Variants in EPN2 observed in about 807,000 individuals in gnomAD.
EPN2 encodes the protein epsin-2.
Under a neutral mutation model 61.7 loss-of-function variants are expected in EPN2, and 34 were observed. The observed-to-expected ratio is 0.55, with a 90% CI of 0.42 to 0.73. The LOEUF is 0.73. Ranked by LOEUF, EPN2 falls within the 30% of genes least tolerant of loss-of-function variation. The probability of loss-of-function intolerance (pLI) is 0.00; values close to 1 mark genes in which losing one functional copy is unlikely to be tolerated. For synonymous variants in EPN2, 349 were observed against 353.6 expected (o/e 0.99, Z 0.15); for missense variants, 714 against 839.2 (o/e 0.85, Z 1.84).
At chr17:19,262,526 A>G (rs2045153192) in intron 1 of EPN2, among the ~76,000 whole-genome samples, 1 of 152,222 alleles carries the variant, frequency 6.6e-6, no homozygotes, top group East Asian at 1.9e-4. Context: ...TTGATGCATA[A>G]TTTATTTGCC....
chr17:19,329,109 A>G, intron 8 of EPN2: 1 of 501,472 alleles, frequency 2.0e-6, no homozygotes, highest in Admixed American at 3.7e-5. Context: ...CTCCAAATTG[A>G]GGGGGCTTCC....
In EPN2 at chr17:19,283,229, G is replaced by C; in HGVS notation, c.110G>C (p.Ser37Thr). 6.2e-7 allele frequency: 1 copy of C among 1,614,156 alleles called. No individual in the cohort carries two copies. The highest frequency in any genetic ancestry group is 1.6e-4 in the Middle Eastern group (1 of 6,062). ...TCCAATGACCCGTGGGGCCCGTCCAGTTCTCTGATGACCGAGATTGCCGAC... is the reference window on the plus strand; with the variant it reads ...TCCAATGACCCGTGGGGCCCGTCCACTTCTCTGATGACCGAGATTGCCGAC... The part of the protein sequence containing the change: ...ATSNDPWGPS[S>T]SLMTEIADLT... The change falls in exon 3 of 11, where the codon AGT becomes ACT. Residue 37 changes from serine to threonine, a missense_variant. Ser to Thr is a moderately conservative substitution (Grantham distance 58, BLOSUM62 1). Around this residue, in one of 2 missense-constraint regions of EPN2, gnomAD observed 304 missense variants for 417.4 expected, o/e 0.73. Transcript: ENST00000314728. This position sits in a 1 kb window ranked among gnomAD's most constrained non-coding sequence, Gnocchi z 7.0.
chr17:19,251,290 C>A (rs777701265), intron 1 of EPN2, among the ~76,000 whole-genome samples: 29 of 152,282 alleles, frequency 1.9e-4, no homozygotes, highest in Admixed American at 3.3e-4. Context: ...ATCACAGTGT[C>A]AGCTTCTTAC....
Position 19,334,109 on chromosome 17 carries a change from C to T in EPN2, c.1781C>T (p.Thr594Ile), listed in dbSNP as rs764835903. Residue 594 changes from threonine to isoleucine, a missense_variant, in exon 11 of 11, where the codon ACC becomes ATC. By Grantham distance (89) the Thr-to-Ile change is moderately conservative (BLOSUM62 -1). This residue lies in a region of EPN2 where 410 missense variants were observed against 421.8 expected (regional missense o/e 0.97). Transcript: ENST00000314728. The surrounding 1 kb of genome is among the most constrained non-coding windows in gnomAD (Gnocchi z 4.9). ...GAGTCCATGGCTGTGGCCTCGATGA[C>T]CTCCGCGGCCCCACAGCCAGCTCTG... ...GVESMAVASM[T>I]SAAPQPALGA... The T allele has an allele frequency of 6.2e-7, 1 of 1,608,396 alleles. No individual in the cohort carries two copies. The highest frequency in any genetic ancestry group is 1.7e-5 in the Admixed American group (1 of 59,462).
intron 7 of EPN2, among the ~76,000 whole-genome samples, chr17:19,327,218 G>A (rs780140165): frequency 1.1e-4 from 16 of 152,206 alleles, no homozygotes; most frequent in Non-Finnish European, 2.1e-4. Flanking sequence ...AAAACCAAAC[G>A]AGTATCCTTC....
chr17:19,258,682 T>C (rs1342271755), intron 1 of EPN2, among the ~76,000 whole-genome samples: 1 of 152,176 alleles, frequency 6.6e-6, no homozygotes, highest in Non-Finnish European at 1.5e-5. Context: ...GTCTAGCCAG[T>C]GTCTAGTAAT....
Position 19,285,787 on chromosome 17 carries a change from C to A in EPN2, c.763C>A (p.Arg255=). 1 of 1,585,896 alleles carries A rather than the reference C, an allele frequency of 6.3e-7. No homozygotes were observed. The highest frequency in any genetic ancestry group is 8.6e-7 in the Non-Finnish European group (1 of 1,164,632). ...CTGCCTCACTTGTGACCGCGCAGCC[C>A]GAGGTGGGACGGCGGTTTGCTTTTT... ...QPCLTCDRAA[R]ATSPRVSSEL... is the part of the protein sequence containing the mutation. Residue 255 remains arginine, a synonymous_variant, in exon 4 of 11, where the codon CGA becomes AGA. Coordinates refer to ENST00000314728, the MANE Select transcript of EPN2 (RefSeq NM_014964.5). The surrounding 1 kb of genome is among the most constrained non-coding windows in gnomAD (Gnocchi z 4.5).
chr17:19,272,085 C>T (rs780321342), intron 1 of EPN2, among the ~76,000 whole-genome samples: 3 of 152,222 alleles, frequency 2.0e-5, no homozygotes, highest in Non-Finnish European at 4.4e-5. Context: ...TTATGCTGAT[C>T]AAATGGTAGT....
chr17:19,237,432 C>G lies in EPN2; in HGVS notation c.-393C>G, dbSNP rs1311731664. 1.3e-5 allele frequency: 2 copies of G among 152,044 alleles called. No individual in the cohort carries two copies. The highest frequency in any genetic ancestry group is 2.4e-5 in the African/African-American group (1 of 41,416). The allele number at this position is 152,044 out of a possible 1,614,324, so 9.4% of individuals were successfully genotyped here. A position where few individuals can be genotyped will look rare whatever the true frequency, so the allele number is the denominator to read the frequency against. On this transcript the variant is annotated 5_prime_UTR_variant, in exon 1 of 11. Transcript: ENST00000314728. ...TGTGTGGGTGTCAAACTGAGCCAGACGCGGCGGTGGCGGCGGCTCCGCGGG... is the reference window on the plus strand; with the variant it reads ...TGTGTGGGTGTCAAACTGAGCCAGAGGCGGCGGTGGCGGCGGCTCCGCGGG...
intron 1 of EPN2, among the ~76,000 whole-genome samples, chr17:19,270,612 A>C (rs1388597530): frequency 2.0e-5 from 3 of 152,216 alleles, no homozygotes; most frequent in African/African-American, 7.2e-5. Context: ...CAACCCTCAC[A>C]GCCATGCTGA....
At chr17:19,261,866 T>G (rs28582509) in intron 1 of EPN2, among the ~76,000 whole-genome samples, 1 of 152,062 alleles carries the variant, frequency 6.6e-6, no homozygotes, top group African/African-American at 2.4e-5. Context: ...TGGCACAAGC[T>G]TTTTGTTTTG....
At chr17:19,274,605 A>G (rs73982651) in intron 1 of EPN2, among the ~76,000 whole-genome samples, 1,565 of 152,238 alleles carry the variant, frequency 0.01, 28 homozygotes, top group African/African-American at 0.036. Context: ...TAGGGACTTG[A>G]TGTAGACCCC....
intron 7 of EPN2, among the ~76,000 whole-genome samples, chr17:19,316,783 A>G (rs1598018415): frequency 6.6e-6 from 1 of 152,366 alleles, no homozygotes; most frequent in Non-Finnish European, 1.5e-5. Flanking sequence ...TGATGTTCAT[A>G]GGGGTGTTTT....
At chr17:19,264,195 T>C (rs1445843030) in intron 1 of EPN2, among the ~76,000 whole-genome samples, 1 of 152,252 alleles carries the variant, frequency 6.6e-6, no homozygotes, top group Non-Finnish European at 1.5e-5. Flanking sequence ...TTTGATTTCC[T>C]TTTGGTTTTG....
chr17:19,298,195 A>T (rs1204256424), intron 4 of EPN2, among the ~76,000 whole-genome samples: 1 of 151,600 alleles, frequency 6.6e-6, no homozygotes, highest in Non-Finnish European at 1.5e-5. Flanking sequence ...TTTTTAATTT[A>T]TTTTTATTTA....
intron 10 of EPN2, among the ~76,000 whole-genome samples, chr17:19,333,202 C>T (rs1188381753): frequency 1.3e-5 from 2 of 152,086 alleles, no homozygotes; most frequent in East Asian, 1.9e-4. Flanking sequence ...CTTGAAGGCC[C>T]TGCAGGAGCT....
At chr17:19,274,261 C>T (rs550917380) in intron 1 of EPN2, 1 of 152,444 alleles carries the variant, frequency 6.6e-6, no homozygotes, top group Non-Finnish European at 1.5e-5. Context: ...GAACAGACTC[C>T]CAGGAAGTTC....
intron 1 of EPN2, among the ~76,000 whole-genome samples, chr17:19,244,100 T>G (rs1040517347): frequency 6.6e-6 from 1 of 152,180 alleles, no homozygotes; most frequent in Admixed American, 6.5e-5. Flanking sequence ...TCTTGGATGC[T>G]GTTGAAAAAG....
chr17:19,323,739 G>T (rs1467730730), intron 7 of EPN2, among the ~76,000 whole-genome samples: 1 of 152,150 alleles, frequency 6.6e-6, no homozygotes, highest in Non-Finnish European at 1.5e-5. Context: ...TTTTAAAAAA[G>T]ATATTTTAAA....
Sources: gnomAD v4.1 joint callset for allele counts (sites outside exome capture counted in the v4.1 genomes callset) on GRCh38, gnomAD v4.1.1 for gene constraint, gnomAD v4.1.1 regional missense constraint, Gnocchi (gnomAD v3.1) non-coding constraint, MANE v1.5 for transcripts, NCBI Gene and HGNC (gene_info 2026-07-23, HGNC 2026-07-21) for gene names.